The following HIBCH variants were observed in gnomAD, a reference collection of about 807,000 sequenced individuals.
HIBCH encodes 3-hydroxyisobutyryl-CoA hydrolase.
In HIBCH, 50 loss-of-function variants were observed where a neutral mutation model predicts 58.2. The ratio of observed to expected loss-of-function variants is 0.86; its 90% confidence interval spans 0.68 to 1.09. The LOEUF is 1.09. Ranked by LOEUF, HIBCH falls within the 50% of genes least tolerant of loss-of-function variation. The pLI, the probability that HIBCH is intolerant of heterozygous loss-of-function variation, is 0.00. For missense variants in HIBCH, 450 were observed against 449.7 expected (o/e 1.00, Z -0.01); for synonymous variants, 151 against 146.9 (o/e 1.03, Z -0.20).
intron 1 of HIBCH, among the ~76,000 whole-genome samples, chr2:190,312,361 T>C (rs1056388662): frequency 6.6e-6 from 1 of 152,248 alleles, no homozygotes. Context: ...GCTTTTTGTT[T>C]AAGAAGCTAA....
At chr2:190,278,030 TA>T (rs900703986) in intron 6 of HIBCH, among the ~76,000 whole-genome samples, 2 of 152,166 alleles carry the variant, frequency 1.3e-5, no homozygotes, top group African/African-American at 4.8e-5. Context: ...AAAATTCTAC[TA>T]AAAATTCTGA....
intron 5 of HIBCH, 97 bp downstream of exon 5, chr2:190,290,308 A>C: frequency 1.2e-6 from 1 of 827,644 alleles, no homozygotes; most frequent in Non-Finnish European, 2.1e-6. Flanking sequence ...TTAAAAGTTT[A>C]AGTAAGGATG....
At chr2:190,199,776 T>A (rs1350633149), downstream of HIBCH, 6 of 1,554,586 alleles carry the variant, frequency 3.9e-6, no homozygotes, top group Non-Finnish European at 5.2e-6. Flanking sequence ...CTGGTCAACA[T>A]CACATGGACA....
At chr2:190,275,526 G>C (rs1410663576) in intron 6 of HIBCH, among the ~76,000 whole-genome samples, 2 of 152,192 alleles carry the variant, frequency 1.3e-5, no homozygotes, top group African/African-American at 4.8e-5. Context: ...TAGGACAGCA[G>C]TCTGAAAGGG....
intron 2 of HIBCH, 43 bp downstream of exon 2, chr2:190,310,711 T>A (rs750191105): frequency 6.8e-7 from 1 of 1,469,158 alleles, no homozygotes; most frequent in Non-Finnish European, 9.5e-7. Context: ...CATTTTAAGT[T>A]ACACATACAA....
At chr2:190,268,380 G>A (rs1037408857) in intron 6 of HIBCH, among the ~76,000 whole-genome samples, 1 of 152,152 alleles carries the variant, frequency 6.6e-6, no homozygotes, top group South Asian at 2.1e-4. Flanking sequence ...TATAAACAAT[G>A]TTAATATGGA....
At chr2:190,237,760 G>A (rs373523006) in intron 11 of HIBCH, among the ~76,000 whole-genome samples, 6 of 151,942 alleles carry the variant, frequency 3.9e-5, no homozygotes, top group Admixed American at 6.6e-5. Context: ...CCATTAACCC[G>A]TCATCTAGGT....
intron 6 of HIBCH, among the ~76,000 whole-genome samples, chr2:190,266,957 A>C (rs941559034): frequency 6.6e-6 from 1 of 151,464 alleles, no homozygotes; most frequent in African/African-American, 2.4e-5. Context: ...GGGTTTCACC[A>C]CGTTGGCTAG....
chr2:190,269,104 ACGT>A (rs1687318807), intron 6 of HIBCH, among the ~76,000 whole-genome samples: 1 of 152,216 alleles, frequency 6.6e-6, no homozygotes, highest in Non-Finnish European at 1.5e-5. Context: ...AAAGACTTAA[ACGT>A]AAGACCTAAA....
intron 6 of HIBCH, among the ~76,000 whole-genome samples, chr2:190,284,829 G>A (rs1156522175): frequency 6.6e-6 from 1 of 151,956 alleles, no homozygotes; most frequent in Non-Finnish European, 1.5e-5. Context: ...TCACTTATCT[G>A]AAATTTCGTG....
chr2:190,308,905 G>A (rs1465340975), intron 2 of HIBCH, among the ~76,000 whole-genome samples: 1 of 152,136 alleles, frequency 6.6e-6, no homozygotes, highest in Non-Finnish European at 1.5e-5. Flanking sequence ...AAAACAGATA[G>A]CCAGGATTCA....
chr2:190,274,898 T>C (rs1256148162), intron 6 of HIBCH, among the ~76,000 whole-genome samples: 4 of 152,226 alleles, frequency 2.6e-5, no homozygotes, highest in African/African-American at 4.8e-5. Flanking sequence ...CTCTTACAAA[T>C]AGAGATTTCC....
intron 11 of HIBCH, among the ~76,000 whole-genome samples, chr2:190,231,707 T>G (rs1686099207): frequency 6.8e-6 from 1 of 147,708 alleles, no homozygotes. Flanking sequence ...AAGGGAGAAA[T>G]AAAGGGGGTA....
chr2:190,193,491 C>T (rs1689814830), intron 1 of HIBCH, among the ~76,000 whole-genome samples: 2 of 152,104 alleles, frequency 1.3e-5, no homozygotes, highest in African/African-American at 2.4e-5. Flanking sequence ...ATTACTTCCT[C>T]GTAATGGCCT....
At chr2:190,288,932 T>C (rs1687897942) in intron 5 of HIBCH, among the ~76,000 whole-genome samples, 1 of 151,876 alleles carries the variant, frequency 6.6e-6, no homozygotes, top group African/African-American at 2.4e-5. Flanking sequence ...GCCAACAGGG[T>C]GAAACCTGTC....
chr2:190,284,690 T>C (rs1309017615), intron 6 of HIBCH, among the ~76,000 whole-genome samples: 1 of 152,210 alleles, frequency 6.6e-6, no homozygotes, highest in East Asian at 1.9e-4. Context: ...AATCTGTATA[T>C]AACGTATATC....
At chr2:190,282,887 A>G (rs1360028608) in intron 6 of HIBCH, among the ~76,000 whole-genome samples, 1 of 151,732 alleles carries the variant, frequency 6.6e-6, no homozygotes, top group Non-Finnish European at 1.5e-5. Flanking sequence ...CCCTTTCCAG[A>G]CCATCTAATA....
At chr2:190,288,174 T>TAAAAAAG (rs1687878388) in intron 5 of HIBCH, among the ~76,000 whole-genome samples, 1 of 144,884 alleles carries the variant, frequency 6.9e-6, no homozygotes, top group Admixed American at 6.9e-5. Flanking sequence ...TTTTTTTTTT[T>TAAAAAAG]AAAAAAAGGA....
At chr2:190,218,890 C>A (rs1244111006) in intron 11 of HIBCH, among the ~76,000 whole-genome samples, 1 of 152,198 alleles carries the variant, frequency 6.6e-6, no homozygotes, top group East Asian at 1.9e-4. Flanking sequence ...CTCCTCTTGC[C>A]TCTCTAGACA....
Sources: gnomAD v4.1 joint callset for allele counts (sites outside exome capture counted in the v4.1 genomes callset) on GRCh38, gnomAD v4.1.1 for gene constraint, MANE v1.5 for transcripts, NCBI Gene and HGNC (gene_info 2026-07-23, HGNC 2026-07-21) for gene names.